MTA3: variants seen among roughly 807,000 people sequenced by gnomAD.
The protein encoded by MTA3 is metastasis-associated protein MTA3.
MTA3 carries 34 observed loss-of-function variants against 83.5 expected under a neutral mutation model. The ratio of observed to expected loss-of-function variants is 0.41; its 90% CI spans 0.31 to 0.54. MTA3 has a LOEUF of 0.54. Ranked by LOEUF, MTA3 falls within the 20% of genes least tolerant of loss-of-function variation. MTA3 has a pLI of 0.33. For synonymous variants in MTA3, 303 were observed against 252.7 expected, an observed-to-expected ratio of 1.20 and a Z score of -1.89; for missense variants, 761 against 726.4, an observed-to-expected ratio of 1.05 and a Z score of -0.55.
intron 2 of MTA3, among the ~76,000 whole-genome samples, chr2:42,523,753 A>C: frequency 6.6e-6 from 1 of 151,940 alleles, no homozygotes; most frequent in Non-Finnish European, 1.5e-5. Flanking sequence ...TCTCTAACAA[A>C]ACAAAAACAA....
At chr2:42,549,596 A>C (rs1337262196) in intron 2 of MTA3, among the ~76,000 whole-genome samples, 1 of 119,544 alleles carries the variant, frequency 8.4e-6, no homozygotes, top group Non-Finnish European at 1.6e-5. Context: ...TATTATATAC[A>C]TATACATATA....
Position 42,722,958 on chromosome 2 carries a change from G to T in MTA3, c.1682G>T (p.Arg561Leu). ...AGCCTGCAAACCCCAACTACCAAGC[G>T]GATGCTAACAACTCCAAATCACACA... ...TPSLQTPTTK[R>L]MLTTPNHTSL... The change falls in exon 16 of 17, where the codon CGG becomes CTG. Residue 561 changes from arginine (R) to leucine (L), a missense_variant. Coordinates refer to ENST00000405094, the MANE Select transcript of MTA3 (RefSeq NM_001330442.2). 1.3e-6 allele frequency: 2 copies of T among 1,551,116 alleles called. No individual in the cohort carries two copies. Among genetic ancestry groups the T allele is most frequent in the Non-Finnish European group, 1.7e-6 (2 of 1,147,116 alleles).
At chr2:42,505,601 G>T (rs1000877375) in intron 2 of MTA3, among the ~76,000 whole-genome samples, 2 of 151,816 alleles carry the variant, frequency 1.3e-5, no homozygotes, top group African/African-American at 4.8e-5. Flanking sequence ...GCAATCAGAT[G>T]AATCTAGAAT....
chr2:42,553,075 G>T (rs1677194663), intron 2 of MTA3, among the ~76,000 whole-genome samples: 1 of 152,094 alleles, frequency 6.6e-6, no homozygotes, highest in African/African-American at 2.4e-5. Context: ...CCAGGAGTTT[G>T]AGATCAGCCT....
intron 6 of MTA3, among the ~76,000 whole-genome samples, chr2:42,652,578 T>C (rs140349433): frequency 0.011 from 1,698 of 152,298 alleles, 11 homozygotes; most frequent in Middle Eastern, 0.031. Flanking sequence ...ACTCCTGGCC[T>C]CAAATGATCC....
intron 3 of MTA3, among the ~76,000 whole-genome samples, chr2:42,583,318 TG>T (rs1679878655): frequency 6.6e-6 from 1 of 152,180 alleles, no homozygotes; most frequent in African/African-American, 2.4e-5. Context: ...TGGAGTTAGA[TG>T]TATCTTACTG....
chr2:42,539,947 C>T (rs1170580531), intron 2 of MTA3, among the ~76,000 whole-genome samples: 1 of 152,116 alleles, frequency 6.6e-6, no homozygotes, highest in African/African-American at 2.4e-5. Flanking sequence ...GAGAACATAT[C>T]TCTCTTCCTG....
rs542267265 is a variant in MTA3, at chr2:42,581,520, A to C, written c.190+2320A>C. Reference sequence around the variant, plus strand: ...TTAGAGAAGCTGGGAGTACAGGCGCATCTCACCGTGCCTAGCTAATTAAAA... The same window carrying C: ...TTAGAGAAGCTGGGAGTACAGGCGCCTCTCACCGTGCCTAGCTAATTAAAA... On this transcript the variant is annotated intron_variant, in intron 3 of 16. Transcript: ENST00000405094. Among the ~76,000 whole-genome samples, 13 of 150,880 alleles carry C rather than the reference A, an allele frequency of 8.6e-5. No homozygotes were observed. The East Asian group carries it at 2.6e-3, about 30-fold the overall frequency.
At chr2:42,582,335 G>A (rs1349685419) in intron 3 of MTA3, among the ~76,000 whole-genome samples, 2 of 152,218 alleles carry the variant, frequency 1.3e-5, no homozygotes, top group Non-Finnish European at 2.9e-5. Context: ...TGGGATTACA[G>A]GCGTGAGCCA....
At chr2:42,716,649 A>G (rs963704181) in intron 14 of MTA3, among the ~76,000 whole-genome samples, 6 of 152,204 alleles carry the variant, frequency 3.9e-5, no homozygotes, top group Non-Finnish European at 5.9e-5. Context: ...TGTTCCTGCA[A>G]AGGACATGAT....
chr2:42,502,887 G>A (rs958766750), intron 2 of MTA3, among the ~76,000 whole-genome samples: 3 of 151,376 alleles, frequency 2.0e-5, no homozygotes, highest in East Asian at 1.9e-4. Context: ...CACTTAAACC[G>A]GGAGACAGAG....
Position 42,540,645 on chromosome 2 carries a change from G to A in MTA3, c.-140-29792G>A, listed in dbSNP as rs556926585. Among the ~76,000 whole-genome samples the A allele has an allele frequency of 7.2e-5, 11 of 151,822 alleles. No individual in the cohort carries two copies. The East Asian group carries it at 1.8e-3, about 25-fold the overall frequency. ...AGGCCAGGCGTTCAAGACCAGCCTG[G>A]GCAACATAGTAAGACCTTGTCTCTA... On this transcript the variant is annotated intron_variant, in intron 2 of 17. Coordinates refer to the MTA3 transcript ENST00000405592.
intron 2 of MTA3, among the ~76,000 whole-genome samples, chr2:42,536,622 G>A (rs754909472): frequency 6.6e-6 from 1 of 152,190 alleles, no homozygotes; most frequent in African/African-American, 2.4e-5. Flanking sequence ...CACTTTGGGA[G>A]GCTGAGGCAG....
chr2:42,613,873 T>C (rs1435931127), intron 4 of MTA3: 1 of 152,172 alleles, frequency 6.6e-6, no homozygotes, highest in Non-Finnish European at 1.5e-5. Flanking sequence ...GTGAGATAGA[T>C]GGGGCTTGAG....
At chr2:42,541,640 T>C (rs758475870) in intron 2 of MTA3, among the ~76,000 whole-genome samples, 1 of 152,192 alleles carries the variant, frequency 6.6e-6, no homozygotes, top group African/African-American at 2.4e-5. Context: ...TGACTTACCA[T>C]GGATTTACCC....
intron 3 of MTA3, among the ~76,000 whole-genome samples, chr2:42,582,499 A>G (rs934201199): frequency 2.6e-5 from 4 of 152,200 alleles, no homozygotes; most frequent in South Asian, 4.1e-4. Flanking sequence ...CTAAAAAGCA[A>G]TATCTTGGCC....
Position 42,570,677 on chromosome 2 carries a change from A to G in MTA3, c.96+173A>G, listed in dbSNP as rs879118213. Among the ~76,000 whole-genome samples the G allele has an allele frequency of 3.9e-5, 6 of 152,084 alleles. No individual in the cohort carries two copies. In the South Asian group the frequency reaches 1.2e-3, roughly 32 times the overall value. ...AGTTGGAGACCAGCCTGTGCAACAT[A>G]GTGAGACCCTATCTCTTATTTTTTT... On this transcript the variant is annotated intron_variant, in intron 2 of 16. Coordinates refer to ENST00000405094, the MANE Select transcript of MTA3 (RefSeq NM_001330442.2).
intron 3 of MTA3, among the ~76,000 whole-genome samples, chr2:42,582,423 A>G (rs1485734765): frequency 1.3e-5 from 2 of 152,192 alleles, no homozygotes; most frequent in African/African-American, 4.8e-5. Flanking sequence ...AAGTTTGCAT[A>G]TATACTTTAA....
chr2:42,644,320 A>ATTTG, intron 6 of MTA3, 76 bp downstream of exon 6: 1 of 930,440 alleles, frequency 1.1e-6, no homozygotes, highest in Non-Finnish European at 1.7e-6. Context: ...CCTCATGTAG[A>ATTTG]AGAGGCAATG....
Sources: allele counts gnomAD v4.1 joint callset (sites outside exome capture counted in the v4.1 genomes callset), GRCh38; gene constraint gnomAD v4.1.1; transcripts MANE v1.5; gene names NCBI Gene and HGNC (gene_info 2026-07-23, HGNC 2026-07-21).